Variants in DTHD1 observed in about 807,000 individuals in gnomAD.
The protein encoded by DTHD1 is death domain-containing protein 1.
In DTHD1, 59 loss-of-function variants were observed where a neutral mutation model predicts 74.8. That is an observed-to-expected ratio of 0.79 (90% CI 0.64 to 0.98). DTHD1 has a LOEUF of 0.98. Among genes scored for constraint, DTHD1 ranks in the 50% least tolerant of loss-of-function variants. The pLI is 0.00. For missense variants in DTHD1, 1,051 were observed against 1,065.4 expected, an observed-to-expected ratio of 0.99 and a Z score of 0.19; for synonymous variants, 365 against 371.1, an observed-to-expected ratio of 0.98 and a Z score of 0.19.
chr4:36,300,126 G>A (rs1215149769), intron 5 of DTHD1, among the ~76,000 whole-genome samples: 2 of 152,062 alleles, frequency 1.3e-5, no homozygotes, highest in Non-Finnish European at 2.9e-5. Context: ...AAGTCTTTGG[G>A]CGTGTTTATA....
At chr4:36,326,690 A>T (rs996817350) in intron 8 of DTHD1, among the ~76,000 whole-genome samples, 1 of 152,230 alleles carries the variant, frequency 6.6e-6, no homozygotes, top group Non-Finnish European at 1.5e-5. Flanking sequence ...CATGCTGGGG[A>T]AATTGAAAAA....
chr4:36,297,898 T>C (rs1397827363), intron 5 of DTHD1, among the ~76,000 whole-genome samples: 2 of 151,496 alleles, frequency 1.3e-5, no homozygotes, highest in Non-Finnish European at 2.9e-5. Flanking sequence ...CTTTTTTAGC[T>C]TTTGAGTTCA....
At chr4:36,297,707 C>T (rs1174022896) in intron 5 of DTHD1, among the ~76,000 whole-genome samples, 2 of 152,048 alleles carry the variant, frequency 1.3e-5, no homozygotes, top group African/African-American at 2.4e-5. Flanking sequence ...GAGGTTGTAT[C>T]GTATGTCTGG....
chr4:36,290,378 T>C lies in DTHD1; in HGVS notation c.893T>C (p.Leu298Pro), dbSNP rs758173315. Residue 298 changes from leucine (L) to proline (P), a missense_variant, in exon 3 of 10, where the codon CTT becomes CCT. Leu to Pro is a moderately conservative substitution (Grantham distance 98). Transcript: ENST00000639862. ...HKNNIMEKEYLDVLSDVTGPQ... is the reference protein window; with the variant it reads ...HKNNIMEKEYPDVLSDVTGPQ... ...CATTCTTTTTCCCCCTCCAGGTATC[T>C]TGATGTGCTGAGTGATGTTACTGGC... The C allele has an allele frequency of 5.0e-5, 78 of 1,546,842 alleles. No individual in the cohort carries two copies. The highest frequency in any genetic ancestry group is 6.6e-5 in the Non-Finnish European group (76 of 1,143,538).
Position 36,322,360 on chromosome 4 carries a change from G to A in DTHD1, c.2340+5874G>A, listed in dbSNP as rs145923172. Among the ~76,000 whole-genome samples, 11 of 152,224 alleles carry A rather than the reference G, an allele frequency of 7.2e-5. No individual in the cohort carries two copies. The East Asian group carries it at 2.1e-3, about 29-fold the overall frequency. On this transcript the variant is annotated intron_variant, in intron 8 of 9. Coordinates refer to ENST00000639862, the MANE Select transcript of DTHD1 (RefSeq NM_001170700.3). ...GCATTTTATGGACCAAAAATGTGAG[G>A]AGGACAGTGAGAAGTGCCAAGGAAG...
chr4:36,332,586 T>G (rs1243406071), intron 8 of DTHD1, among the ~76,000 whole-genome samples: 1 of 115,792 alleles, frequency 8.6e-6, no homozygotes, highest in Non-Finnish European at 1.7e-5. Context: ...TACAGTGACA[T>G]CAGCTTAGTC....
At chr4:36,287,658 T>A (rs907211026) in intron 2 of DTHD1, among the ~76,000 whole-genome samples, 1 of 152,208 alleles carries the variant, frequency 6.6e-6, no homozygotes, top group African/African-American at 2.4e-5. Context: ...TGTTTGTTTG[T>A]TTTTTGATTA....
rs180771732 is a variant in DTHD1 at position 36,299,089 on chromosome 4, C to T, written c.1643+4050C>T. 3.1e-3 allele frequency among the ~76,000 whole-genome samples: 470 copies of T among 152,200 alleles called. 3 individuals are homozygous for T. Among genetic ancestry groups the T allele is most frequent in the Admixed American group, 4.9e-3 (74 of 15,218 alleles). ...CTTTGTCCTCACCACAGTCACTCAT[C>T]CCCACCAAATTTAACCACTATTCTG... On this transcript the variant is annotated intron_variant, in intron 5 of 9. Transcript: ENST00000639862.
At position 36,290,381 on chromosome 4, in the gene DTHD1, A is replaced by G. The variant is rs1755994282; in HGVS notation, c.896A>G (p.Asp299Gly). Residue 299 changes from aspartate to glycine, a missense_variant, in exon 3 of 10, where the codon GAT becomes GGT. Transcript: ENST00000639862. ...TCTTTTTCCCCCTCCAGGTATCTTG[A>G]TGTGCTGAGTGATGTTACTGGCCCC... ...KNNIMEKEYL[D>G]VLSDVTGPQV... 6 of 1,547,190 alleles carry G rather than the reference A, an allele frequency of 3.9e-6. No individual in the cohort carries two copies. Among genetic ancestry groups the G allele is most frequent in the Non-Finnish European group, 5.2e-6 (6 of 1,143,748 alleles).
At chr4:36,287,976 C>G (rs1019366073) in intron 2 of DTHD1, among the ~76,000 whole-genome samples, 1 of 152,084 alleles carries the variant, frequency 6.6e-6, no homozygotes, top group Non-Finnish European at 1.5e-5. Context: ...TGTGTAGAAG[C>G]TTTTTAGTCT....
chr4:36,316,426 C>A lies in DTHD1; in HGVS notation c.2280C>A (p.Leu760=). The change falls in exon 8 of 10, where the codon CTC becomes CTA. Residue 760 remains leucine, a synonymous_variant. Coordinates refer to ENST00000639862, the MANE Select transcript of DTHD1 (RefSeq NM_001170700.3). The part of the protein sequence containing the change: ...GKIVPNLNQS[L]VINENHSQLP... ...TAGTCCCCAACTTGAATCAATCTCT[C>A]GTAATTAATGAAAACCATTCTCAGT... 1 of 1,551,772 alleles carries A rather than the reference C, an allele frequency of 6.4e-7. No individual in the cohort carries two copies. Among genetic ancestry groups the A allele is most frequent in the Non-Finnish European group, 8.7e-7 (1 of 1,146,978 alleles).
At chr4:36,302,683 T>C (rs1437641540) in intron 5 of DTHD1, among the ~76,000 whole-genome samples, 1 of 152,230 alleles carries the variant, frequency 6.6e-6, no homozygotes. Flanking sequence ...TATATTATAA[T>C]ATTTGACTTC....
chr4:36,347,391 A>T lies in DTHD1; in HGVS notation c.*3567A>T, dbSNP rs911175783. ...TATTCTATTATATGCATATATTAAAATTTTCATATCAATTAGACTGTAGTC... is the reference window on the plus strand; with the variant it reads ...TATTCTATTATATGCATATATTAAATTTTTCATATCAATTAGACTGTAGTC... On this transcript the variant is annotated 3_prime_UTR_variant, in exon 10 of 10. Coordinates refer to ENST00000639862, the MANE Select transcript of DTHD1 (RefSeq NM_001170700.3). Among the ~76,000 whole-genome samples the T allele has an allele frequency of 6.6e-6, 1 of 152,114 alleles. No individual in the cohort carries two copies. The highest frequency in any genetic ancestry group is 2.4e-5 in the African/African-American group (1 of 41,432).
intron 2 of DTHD1, among the ~76,000 whole-genome samples, chr4:36,289,493 T>G (rs1755925688): frequency 6.6e-6 from 1 of 152,126 alleles, no homozygotes; most frequent in Non-Finnish European, 1.5e-5. Flanking sequence ...AAACTTACCA[T>G]CTGTGGGATC....
At chr4:36,282,415 C>T (rs1277342585) in intron 1 of DTHD1, among the ~76,000 whole-genome samples, 1 of 152,126 alleles carries the variant, frequency 6.6e-6, no homozygotes. Flanking sequence ...AAATACAGGC[C>T]ACTGAGGCAG....
intron 7 of DTHD1, chr4:36,315,873 G>A (rs1046241460): frequency 1.3e-5 from 2 of 156,048 alleles, no homozygotes; most frequent in South Asian, 1.9e-4. Context: ...AGTTTTAATC[G>A]TATTTTTAAA....
intron 2 of DTHD1, among the ~76,000 whole-genome samples, chr4:36,285,703 T>C (rs1286603420): frequency 6.6e-6 from 1 of 152,194 alleles, no homozygotes; most frequent in Admixed American, 6.5e-5. Flanking sequence ...TTCTGTTTTA[T>C]TACATACTAA....
chr4:36,328,459 G>GA lies in DTHD1; in HGVS notation c.2341-10645dup, dbSNP rs559259456. 6.3e-4 allele frequency among the ~76,000 whole-genome samples: 96 copies of GA among 152,020 alleles called. 2 individuals carry two copies. The South Asian group carries it at 0.019, about 31-fold the overall frequency. Reference sequence around the variant, plus strand: ...TACGATCTTTTAATGTACTTATTTAGAAAAAAAACCGTGTGTGTGTGTCCA... The same window carrying GA: ...TACGATCTTTTAATGTACTTATTTAGAAAAAAAAACCGTGTGTGTGTGTCCA... On this transcript the variant is annotated intron_variant, in intron 8 of 9. Coordinates refer to ENST00000639862, the MANE Select transcript of DTHD1 (RefSeq NM_001170700.3).
intron 8 of DTHD1, 73 bp from the exon 9 acceptor site, chr4:36,339,039 A>T (rs1262749532): frequency 1.6e-6 from 2 of 1,220,016 alleles, no homozygotes; most frequent in East Asian, 5.1e-5. Context: ...TGATGTTCAG[A>T]TGAATTTTCG....
Sources: gnomAD v4.1 joint callset for allele counts (sites outside exome capture counted in the v4.1 genomes callset) on GRCh38, gnomAD v4.1.1 for gene constraint, MANE v1.5 for transcripts, NCBI Gene and HGNC (gene_info 2026-07-23, HGNC 2026-07-21) for gene names.